CSMD1: variants seen among roughly 807,000 people sequenced by gnomAD.
The protein encoded by CSMD1 is CUB and sushi domain-containing protein 1.
Under a neutral mutation model 417.5 loss-of-function variants are expected in CSMD1, and 213 were observed. That is an observed-to-expected ratio of 0.51 (90% CI 0.46 to 0.57). The LOEUF (loss-of-function observed/expected upper bound fraction) is 0.57. Among genes scored for constraint, CSMD1 ranks in the 20% least tolerant of loss-of-function variants. CSMD1 has a pLI of 0.00. For missense variants in CSMD1, 6,923 were observed against 4,529.7 expected, an observed-to-expected ratio of 1.53 and a Z score of -15.17; for synonymous variants, 2,862 against 1,736.8, an observed-to-expected ratio of 1.65 and a Z score of -16.11.
chr8:3,451,359 C>T (rs1323709658), intron 12 of CSMD1, among the ~76,000 whole-genome samples: 4 of 152,254 alleles, frequency 2.6e-5, no homozygotes, highest in African/African-American at 9.6e-5. Flanking sequence ...GTTGCCATTG[C>T]TTTTGGTGTT....
intron 41 of CSMD1, among the ~76,000 whole-genome samples, chr8:3,132,324 T>A (rs1233206696): frequency 6.6e-6 from 1 of 152,136 alleles, no homozygotes; most frequent in East Asian, 1.9e-4. Context: ...AGAAATTACA[T>A]TCTCATGCTA....
intron 7 of CSMD1, among the ~76,000 whole-genome samples, chr8:3,674,325 T>A (rs926522137): frequency 6.6e-6 from 1 of 152,162 alleles, no homozygotes; most frequent in Non-Finnish European, 1.5e-5. Flanking sequence ...GAACTTACCA[T>A]GTAAAATATC....
chr8:4,605,263 A>G (rs1386914104), intron 2 of CSMD1, among the ~76,000 whole-genome samples: 1 of 150,900 alleles, frequency 6.6e-6, no homozygotes, highest in African/African-American at 2.5e-5. Flanking sequence ...GATGAAGTTT[A>G]CCTTTAAGAA....
At chr8:4,661,365 G>A (rs1477178821) in intron 1 of CSMD1, among the ~76,000 whole-genome samples, 1 of 152,158 alleles carries the variant, frequency 6.6e-6, no homozygotes, top group South Asian at 2.1e-4. Context: ...AGAGAACTAG[G>A]CTGAGTATAC....
intron 5 of CSMD1, among the ~76,000 whole-genome samples, chr8:3,763,235 G>C (rs1370663456): frequency 6.6e-6 from 1 of 152,154 alleles, no homozygotes; most frequent in East Asian, 1.9e-4. Context: ...TCGATGTTAT[G>C]ATGCCAGCTA....
intron 3 of CSMD1, among the ~76,000 whole-genome samples, chr8:4,088,749 C>T (rs1453575192): frequency 6.6e-6 from 1 of 152,088 alleles, no homozygotes; most frequent in African/African-American, 2.4e-5. Context: ...TGAGATCCCA[C>T]CACCATTTAT....
At chr8:4,872,597 A>G (rs1426949779) in intron 1 of CSMD1, among the ~76,000 whole-genome samples, 1 of 152,088 alleles carries the variant, frequency 6.6e-6, no homozygotes, top group Admixed American at 6.5e-5. Flanking sequence ...TCCTTTATAA[A>G]TTACCCAGTC....
intron 3 of CSMD1, among the ~76,000 whole-genome samples, chr8:4,184,045 C>G (rs928927395): frequency 6.6e-6 from 1 of 152,170 alleles, no homozygotes; most frequent in Non-Finnish European, 1.5e-5. Flanking sequence ...ATGGCAAATT[C>G]TGTTATTATC....
chr8:3,724,514 A>T (rs1045982089), intron 6 of CSMD1, among the ~76,000 whole-genome samples: 2 of 151,898 alleles, frequency 1.3e-5, no homozygotes, highest in Admixed American at 6.6e-5. Context: ...GCTGTTTGGG[A>T]TTTTCAACCA....
chr8:3,267,425 C>T (rs577864814), intron 26 of CSMD1, among the ~76,000 whole-genome samples: 2 of 152,264 alleles, frequency 1.3e-5, no homozygotes, highest in East Asian at 1.9e-4. Context: ...TAGATGATGG[C>T]AGTTGAGCAG....
intron 36 of CSMD1, chr8:3,183,269 C>T (rs1167817513): frequency 2.8e-5 from 4 of 140,504 alleles, no homozygotes; most frequent in Admixed American, 2.2e-4. Flanking sequence ...ACAAACTGAA[C>T]GCCTAATCTA....
At chr8:3,883,025 C>A (rs988483446) in intron 5 of CSMD1, among the ~76,000 whole-genome samples, 15 of 152,100 alleles carry the variant, frequency 9.9e-5, no homozygotes, top group Non-Finnish European at 1.9e-4. Flanking sequence ...TTATCCTGAA[C>A]CAATAAAACG....
intron 26 of CSMD1, among the ~76,000 whole-genome samples, chr8:3,266,301 G>A (rs568306678): frequency 2.0e-5 from 3 of 151,470 alleles, no homozygotes; most frequent in African/African-American, 7.3e-5. Context: ...AGTTCTGCAA[G>A]GGGCCGTTTA....
intron 12 of CSMD1, among the ~76,000 whole-genome samples, chr8:3,417,966 C>A (rs1022022554): frequency 5.9e-5 from 9 of 152,282 alleles, no homozygotes; most frequent in South Asian, 4.1e-4. Flanking sequence ...CTCTCCTTGT[C>A]CGTCACCATC....
chr8:4,056,067 T>C (rs1340170874), intron 3 of CSMD1, among the ~76,000 whole-genome samples: 6 of 146,780 alleles, frequency 4.1e-5, no homozygotes, highest in Non-Finnish European at 8.9e-5. Context: ...TGTTTGGATA[T>C]TGGTGGCTTC....
At chr8:4,670,184 G>C (rs1250488772) in intron 1 of CSMD1, among the ~76,000 whole-genome samples, 1 of 152,158 alleles carries the variant, frequency 6.6e-6, no homozygotes, top group African/African-American at 2.4e-5. Flanking sequence ...GCAAACTAAA[G>C]TCCCTCCATG....
chr8:4,070,838 T>C (rs1198373115), intron 3 of CSMD1, among the ~76,000 whole-genome samples: 2 of 152,232 alleles, frequency 1.3e-5, no homozygotes, highest in African/African-American at 2.4e-5. Flanking sequence ...AAGGTTGTTT[T>C]CACGTGATAT....
intron 5 of CSMD1, among the ~76,000 whole-genome samples, chr8:3,786,882 C>A (rs1799484341): frequency 6.6e-6 from 1 of 152,062 alleles, no homozygotes; most frequent in Admixed American, 6.6e-5. Flanking sequence ...ACCCTCCTGA[C>A]CTAAAAGCCC....
At chr8:4,715,370 T>C (rs898345598) in intron 1 of CSMD1, among the ~76,000 whole-genome samples, 3 of 152,322 alleles carry the variant, frequency 2.0e-5, no homozygotes, top group Non-Finnish European at 2.9e-5. Flanking sequence ...AAGAGCAATA[T>C]TAAAATTGAA....
Sources: gnomAD v4.1 joint callset for allele counts (sites outside exome capture counted in the v4.1 genomes callset) on GRCh38, gnomAD v4.1.1 for gene constraint, MANE v1.5 for transcripts, NCBI Gene and HGNC (gene_info 2026-07-23, HGNC 2026-07-21) for gene names.